The following UQCC1 variants were observed in gnomAD, a reference collection of about 807,000 sequenced individuals.
The protein encoded by UQCC1 is bFGF-repressed Zic-binding protein.
A neutral mutation model predicts 48.0 loss-of-function variants in UQCC1; 38 were observed. That is an observed-to-expected ratio of 0.79 (90% CI 0.61 to 1.04). The LOEUF (loss-of-function observed/expected upper bound fraction) is 1.04, where lower values mean the gene tolerates loss of function less well. Among genes scored for constraint, UQCC1 ranks in the 50% least tolerant of loss-of-function variants. The probability of loss-of-function intolerance (pLI) is 0.00; values close to 1 mark genes in which losing one functional copy is unlikely to be tolerated. For synonymous variants in UQCC1, 111 were observed against 129.2 expected (o/e 0.86, Z 0.95); for missense variants, 368 against 381.8 (o/e 0.96, Z 0.30).
At chr20:35,365,472 T>A (rs143573045) in intron 6 of UQCC1, among the ~76,000 whole-genome samples, 1 of 152,002 alleles carries the variant, frequency 6.6e-6, no homozygotes, top group African/African-American at 2.4e-5. Flanking sequence ...CTGGCCAAGA[T>A]GGTGAAACCC....
intron 6 of UQCC1, among the ~76,000 whole-genome samples, chr20:35,349,228 G>A (rs2061463646): frequency 6.6e-6 from 1 of 152,216 alleles, no homozygotes; most frequent in Admixed American, 6.5e-5. Context: ...ACAAGAAGCT[G>A]GGCAGGAGAA....
intron 7 of UQCC1, among the ~76,000 whole-genome samples, chr20:35,331,460 T>C (rs1290837210): frequency 6.7e-6 from 1 of 148,764 alleles, no homozygotes; most frequent in Non-Finnish European, 1.5e-5. Context: ...GAAAACTCAC[T>C]CCAAGTAATT....
chr20:35,400,082 C>T (rs1370666509), intron 1 of UQCC1, among the ~76,000 whole-genome samples: 6 of 151,978 alleles, frequency 3.9e-5, no homozygotes, highest in African/African-American at 7.2e-5. Flanking sequence ...CGCGCTACCA[C>T]GCCCAGCTAA....
intron 1 of UQCC1, among the ~76,000 whole-genome samples, chr20:35,394,995 T>C (rs556976927): frequency 2.6e-5 from 4 of 152,292 alleles, no homozygotes; most frequent in Non-Finnish European, 4.4e-5. Flanking sequence ...CAGTTTATTA[T>C]AAGGGATACA....
chr20:35,385,145 G>A (rs4911180), intron 2 of UQCC1, among the ~76,000 whole-genome samples: 82,651 of 151,926 alleles, frequency 0.54, 23,528 homozygotes, highest in East Asian at 0.72. Context: ...TGCTTCTGTC[G>A]CCTACGACAA....
At chr20:35,401,762 A>C (rs373616992) in intron 1 of UQCC1, among the ~76,000 whole-genome samples, 7 of 151,060 alleles carry the variant, frequency 4.6e-5, no homozygotes, top group Admixed American at 1.3e-4. Flanking sequence ...CCTGGGTTCA[A>C]GTGATTCTCC....
chr20:35,359,910 C>T, intron 6 of UQCC1, among the ~76,000 whole-genome samples: 1 of 152,154 alleles, frequency 6.6e-6, no homozygotes, highest in East Asian at 1.9e-4. Flanking sequence ...AACTCCCTCA[C>T]TATGAAGCCT....
At chr20:35,346,991 G>A (rs1393025391) in intron 7 of UQCC1, 173 bp downstream of exon 7, 1 of 1,545,782 alleles carries the variant, frequency 6.5e-7, no homozygotes, top group Non-Finnish European at 8.7e-7. Flanking sequence ...AAGTATCTGT[G>A]GAGTATTAGT....
At chr20:35,368,136 G>A (rs1284892367) in intron 5 of UQCC1, among the ~76,000 whole-genome samples, 1 of 152,194 alleles carries the variant, frequency 6.6e-6, no homozygotes, top group East Asian at 1.9e-4. Context: ...CAAGAAAGAA[G>A]CGCTATCCTC....
chr20:35,392,308 A>G (rs1245780764), intron 2 of UQCC1: 1 of 1,303,606 alleles, frequency 7.7e-7, no homozygotes, highest in South Asian at 1.2e-5. Flanking sequence ...CCAGTAAGTT[A>G]CAGTCGATAC....
At chr20:35,411,828 G>C (rs2062370410) in intron 1 of UQCC1, 112 bp downstream of exon 1, 1 of 1,447,832 alleles carries the variant, frequency 6.9e-7, no homozygotes, top group Admixed American at 1.7e-5. Context: ...ACTCAGCCTA[G>C]CTATAACACA....
intron 1 of UQCC1, among the ~76,000 whole-genome samples, chr20:35,403,063 G>A (rs1159880439): frequency 3.9e-4 from 38 of 96,708 alleles, no homozygotes; most frequent in African/African-American, 7.0e-5. Context: ...GCGAGACTTC[G>A]TCTCAAAAAA....
At chr20:35,341,322 G>C (rs1203957477) in intron 7 of UQCC1, among the ~76,000 whole-genome samples, 8 of 151,850 alleles carry the variant, frequency 5.3e-5, no homozygotes, top group Admixed American at 5.2e-4. Flanking sequence ...TCCATTAGAA[G>C]ATGGAAAAGT....
rs774522983 is a variant in UQCC1, at chr20:35,303,989, A to C, written c.846T>G (p.Asn282Lys). The C allele has an allele frequency of 4.3e-6, 7 of 1,613,952 alleles. No individual in the cohort carries two copies. The highest frequency in any genetic ancestry group is 5.9e-6 in the Non-Finnish European group (7 of 1,179,992). ...AATGGGGCTTCAGGATGCTCTGAGG[A>C]TTCTTCTCCACTAGAGGGCGCCAGC... ...EVSWRPLVEK[N>K]PQSILKPHSP... Residue 282 changes from asparagine to lysine, a missense_variant, in exon 10 of 10, where the codon AAT (asparagine) becomes AAG (lysine). Physicochemically the swap from Asn to Lys is moderately conservative, Grantham distance 94 (BLOSUM62 0). Coordinates refer to ENST00000374385, the MANE Select transcript of UQCC1 (RefSeq NM_018244.5).
chr20:35,334,174 C>A (rs1177054768), intron 7 of UQCC1, among the ~76,000 whole-genome samples: 4 of 152,158 alleles, frequency 2.6e-5, no homozygotes, highest in African/African-American at 9.7e-5. Context: ...TGGACCATGA[C>A]CCCTCAACTA....
chr20:35,363,600 T>C (rs1232345793), intron 6 of UQCC1, among the ~76,000 whole-genome samples: 1 of 152,184 alleles, frequency 6.6e-6, no homozygotes, highest in Non-Finnish European at 1.5e-5. Context: ...ATCTTGTCCT[T>C]ATTCTAAGAG....
intron 6 of UQCC1, among the ~76,000 whole-genome samples, chr20:35,350,296 G>A (rs1157030182): frequency 6.6e-6 from 1 of 152,122 alleles, no homozygotes; most frequent in African/African-American, 2.4e-5. Context: ...CCTGGCCTGA[G>A]TGTCTGAAGA....
rs1184924982 is a variant in UQCC1 at position 35,392,151 on chromosome 20, G to A, written c.129+1941C>T. The A allele has an allele frequency of 1.5e-5, 15 of 988,644 alleles. 1 individual carries two copies. The Admixed American group carries it at 3.5e-4, about 23-fold the overall frequency. The allele number at this position is 988,644 out of a possible 1,614,324, so 61.2% of individuals were successfully genotyped here. A position where few individuals can be genotyped will look rare whatever the true frequency, so the allele number is the denominator to read the frequency against. ...AGTAAATTTACTATGTGAAAACGCA[G>A]CTCACACATCCCATTATGCACAATT... On this transcript the variant is annotated intron_variant, in intron 2 of 9. Coordinates refer to ENST00000374385, the MANE Select transcript of UQCC1 (RefSeq NM_018244.5).
intron 6 of UQCC1, among the ~76,000 whole-genome samples, chr20:35,363,923 G>A (rs1433154732): frequency 6.6e-6 from 1 of 152,096 alleles, no homozygotes; most frequent in Non-Finnish European, 1.5e-5. Context: ...CAGACTTGGG[G>A]TGGATCCATC....
Sources: allele counts gnomAD v4.1 joint callset (sites outside exome capture counted in the v4.1 genomes callset), GRCh38; gene constraint gnomAD v4.1.1; transcripts MANE v1.5; gene names NCBI Gene and HGNC (gene_info 2026-07-23, HGNC 2026-07-21).